The following KDSR variants were observed in gnomAD, a reference collection of about 807,000 sequenced individuals.
The protein encoded by KDSR is 3-ketodihydrosphingosine reductase.
A neutral mutation model predicts 41.3 loss-of-function variants in KDSR; 23 were observed. The ratio of observed to expected loss-of-function variants is 0.56; its 90% CI spans 0.40 to 0.79. The LOEUF is 0.79. Ranked by LOEUF, KDSR falls within the 30% of genes least tolerant of loss-of-function variation. The probability of loss-of-function intolerance (pLI) is 0.00; values close to 1 mark genes in which losing one functional copy is unlikely to be tolerated. For missense variants in KDSR, 351 were observed against 416.8 expected (o/e 0.84, Z 1.37); for synonymous variants, 138 against 151.7 (o/e 0.91, Z 0.66).
intron 7 of KDSR, among the ~76,000 whole-genome samples, chr18:63,342,249 G>A (rs961875051): frequency 6.6e-5 from 10 of 151,440 alleles, no homozygotes; most frequent in African/African-American, 1.9e-4. Context: ...TACCTCTGAT[G>A]TGCCCTTTCT....
intron 6 of KDSR, among the ~76,000 whole-genome samples, chr18:63,346,776 G>C (rs547616961): frequency 6.6e-6 from 1 of 152,252 alleles, no homozygotes; most frequent in African/African-American, 2.4e-5. Flanking sequence ...ATTTATTCAT[G>C]CAACAACGAG....
intron 1 of KDSR, 23 bp downstream of exon 1, chr18:63,366,988 G>A: frequency 1.6e-6 from 2 of 1,237,866 alleles, no homozygotes; most frequent in Non-Finnish European, 2.1e-6. Context: ...TAAGTCGGGG[G>A]GCAGCAACAG....
intron 6 of KDSR, 82 bp from the exon 7 acceptor site, chr18:63,344,575 G>T: frequency 1.1e-6 from 1 of 950,508 alleles, no homozygotes; most frequent in Non-Finnish European, 1.7e-6. Flanking sequence ...TGGCTGCCCT[G>T]ATTCCCAAAA....
intron 2 of KDSR, among the ~76,000 whole-genome samples, chr18:63,361,165 G>A (rs1914972796): frequency 8.6e-6 from 1 of 116,440 alleles, no homozygotes. Flanking sequence ...AGCCAAGACA[G>A]CGCCACTGCA....
chr18:63,352,449 G>A (rs2032342), intron 5 of KDSR, among the ~76,000 whole-genome samples: 43,154 of 151,982 alleles, frequency 0.28, 6,226 homozygotes, highest in Admixed American at 0.32. Flanking sequence ...CAAGTAGCTG[G>A]GATTACAGGC....
At chr18:63,351,861 G>A (rs1249771746) in intron 5 of KDSR, among the ~76,000 whole-genome samples, 2 of 152,128 alleles carry the variant, frequency 1.3e-5, no homozygotes, top group East Asian at 3.8e-4. Flanking sequence ...TTGGCTTACT[G>A]CAGTCTCAAT....
intron 8 of KDSR, among the ~76,000 whole-genome samples, chr18:63,336,958 C>T (rs1246317529): frequency 6.6e-6 from 1 of 151,914 alleles, no homozygotes; most frequent in African/African-American, 2.4e-5. Flanking sequence ...GCTGTTAATG[C>T]AGACCTTAAA....
intron 8 of KDSR, 49 bp downstream of exon 8, chr18:63,338,751 A>G (rs752707637): frequency 1.0e-5 from 12 of 1,171,008 alleles, no homozygotes; most frequent in Non-Finnish European, 1.5e-5. Context: ...CTTTTCAGAA[A>G]TATAGTACTA....
chr18:63,335,589 A>C (rs1914129839), intron 8 of KDSR: 3 of 447,314 alleles, frequency 6.7e-6, no homozygotes, highest in East Asian at 7.8e-5. Flanking sequence ...TGTCCTAATA[A>C]CACTAAGACA....
At chr18:63,337,113 AATATATATATATAT>A (rs139383635) in intron 8 of KDSR, among the ~76,000 whole-genome samples, 18 of 127,774 alleles carry the variant, frequency 1.4e-4, no homozygotes, top group Non-Finnish European at 2.3e-4. Flanking sequence ...TATATATGTG[AATATATATATATAT>A]ATATATATAT....
At chr18:63,346,380 A>G (rs1394671723) in intron 6 of KDSR, 1 of 152,268 alleles carries the variant, frequency 6.6e-6, no homozygotes, top group African/African-American at 2.4e-5. Context: ...TAGACCAGAG[A>G]AAAACACCAC....
At chr18:63,356,309 G>T (rs1914791369) in intron 3 of KDSR, among the ~76,000 whole-genome samples, 1 of 151,674 alleles carries the variant, frequency 6.6e-6, no homozygotes, top group Admixed American at 6.6e-5. Context: ...TGAGGCAGGA[G>T]AATTGCTTGA....
chr18:63,340,608 A>C (rs1914317448), intron 7 of KDSR, among the ~76,000 whole-genome samples: 1 of 152,242 alleles, frequency 6.6e-6, no homozygotes, highest in South Asian at 2.1e-4. Flanking sequence ...GGAATATTCC[A>C]TTGAAAAAGT....
chr18:63,346,666 T>C (rs980074285), intron 6 of KDSR: 1 of 152,200 alleles, frequency 6.6e-6, no homozygotes, highest in Non-Finnish European at 1.5e-5. Context: ...AGTCGCTTCC[T>C]AGATTGGTAT....
chr18:63,332,868 C>G (rs1009391636), intron 9 of KDSR, among the ~76,000 whole-genome samples: 5 of 149,818 alleles, frequency 3.3e-5, no homozygotes, highest in Non-Finnish European at 7.4e-5. Context: ...ATAGAAAAAT[C>G]CCTTTGTTTT....
chr18:63,361,093 T>G (rs1422589392), intron 2 of KDSR, among the ~76,000 whole-genome samples: 12 of 114,982 alleles, frequency 1.0e-4, no homozygotes, highest in Non-Finnish European at 1.9e-4. Flanking sequence ...CACACACAAA[T>G]CAGCCAGGTG....
chr18:63,348,343 T>A (rs1914574852), intron 6 of KDSR, among the ~76,000 whole-genome samples: 1 of 149,708 alleles, frequency 6.7e-6, no homozygotes, highest in African/African-American at 2.5e-5. Context: ...AAAAAAAGTA[T>A]CTGGAGTTTG....
At chr18:63,341,461 G>A (rs1415673380) in intron 7 of KDSR, among the ~76,000 whole-genome samples, 1 of 149,764 alleles carries the variant, frequency 6.7e-6, no homozygotes, top group Non-Finnish European at 1.5e-5. Flanking sequence ...GAGAACAAAA[G>A]GCCCAAGAGA....
intron 3 of KDSR, among the ~76,000 whole-genome samples, chr18:63,356,367 C>T (rs527716395): frequency 1.3e-5 from 2 of 151,792 alleles, no homozygotes; most frequent in African/African-American, 4.8e-5. Context: ...CCATTGCACA[C>T]CAGCGTGGGC....
Sources: allele counts gnomAD v4.1 joint callset (sites outside exome capture counted in the v4.1 genomes callset), GRCh38; gene constraint gnomAD v4.1.1; transcripts MANE v1.5; gene names NCBI Gene and HGNC (gene_info 2026-07-23, HGNC 2026-07-21).